The following ASCC3 variants were observed in gnomAD, a reference collection of about 807,000 sequenced individuals.
The protein encoded by ASCC3 is ASC-1 complex subunit P200.
In ASCC3, 158 loss-of-function variants were observed where a neutral mutation model predicts 256.3. The ratio of observed to expected loss-of-function variants is 0.62; its 90% CI spans 0.54 to 0.70. ASCC3 has a LOEUF of 0.70. Ranked by LOEUF, ASCC3 falls within the 30% of genes least tolerant of loss-of-function variation. ASCC3 has a pLI of 0.00. For missense variants in ASCC3, 2,259 were observed against 2,626.0 expected (o/e 0.86, Z 3.05); for synonymous variants, 948 against 883.4 (o/e 1.07, Z -1.30).
At chr6:100,662,668 G>C in intron 14 of ASCC3, 132 bp from the exon 15 acceptor site, 1 of 765,604 alleles carries the variant, frequency 1.3e-6, no homozygotes, top group Non-Finnish European at 2.1e-6. Flanking sequence ...CTAGGTCTTA[G>C]TATATAATGC....
At chr6:100,549,796 T>C (rs1462063596) in intron 36 of ASCC3, among the ~76,000 whole-genome samples, 1 of 151,976 alleles carries the variant, frequency 6.6e-6, no homozygotes, top group African/African-American at 2.4e-5. Flanking sequence ...ATAATTATTT[T>C]AAGTGAGGAA....
intron 12 of ASCC3, among the ~76,000 whole-genome samples, chr6:100,717,304 A>G (rs1779130509): frequency 6.6e-6 from 1 of 152,040 alleles, no homozygotes; most frequent in South Asian, 2.1e-4. Context: ...ACAGTAATAC[A>G]TTAAAGACTA....
intron 25 of ASCC3, among the ~76,000 whole-genome samples, chr6:100,637,734 G>A (rs902878870): frequency 6.6e-6 from 1 of 152,128 alleles, no homozygotes; most frequent in Non-Finnish European, 1.5e-5. Flanking sequence ...AGGGGTTCAA[G>A]ACCTCAATAG....
intron 10 of ASCC3, among the ~76,000 whole-genome samples, chr6:100,764,144 G>C (rs1332434209): frequency 1.3e-5 from 2 of 152,170 alleles, no homozygotes; most frequent in African/African-American, 4.8e-5. Flanking sequence ...AACATAGTTG[G>C]ATATAGGACA....
chr6:100,693,026 A>G (rs1290147550), intron 13 of ASCC3, among the ~76,000 whole-genome samples: 1 of 152,060 alleles, frequency 6.6e-6, no homozygotes, highest in Non-Finnish European at 1.5e-5. Flanking sequence ...CTTTTAAGTA[A>G]GTAATATAAC....
intron 25 of ASCC3, among the ~76,000 whole-genome samples, chr6:100,636,431 A>G (rs1774847108): frequency 6.6e-6 from 1 of 152,112 alleles, no homozygotes; most frequent in African/African-American, 2.4e-5. Flanking sequence ...CCATTCCCCC[A>G]TCTCTTTCCT....
At chr6:100,648,398 A>G (rs1775495730) in intron 20 of ASCC3, among the ~76,000 whole-genome samples, 1 of 152,088 alleles carries the variant, frequency 6.6e-6, no homozygotes, top group East Asian at 1.9e-4. Flanking sequence ...GTCTGGTTAA[A>G]ATCCAAACAA....
Position 100,743,377 on chromosome 6 carries a change from C to T in ASCC3, c.1738-17674G>A, listed in dbSNP as rs181966482. Among the ~76,000 whole-genome samples the T allele has an allele frequency of 3.8e-3, 576 of 152,286 alleles. 5 individuals are homozygous for T. The highest frequency in any genetic ancestry group is 3.3e-3 in the Non-Finnish European group (225 of 68,022). The stretch of plus-strand genomic sequence containing the variant: ...ACAGACTGCAGCTGCTTCTAATTGG[C>T]CATCTTCGATTTCGGCCATAAGCTG... On this transcript the variant is annotated intron_variant, in intron 10 of 41. Transcript: ENST00000369162.
chr6:100,774,661 G>A (rs866232856), intron 8 of ASCC3, among the ~76,000 whole-genome samples: 18 of 151,986 alleles, frequency 1.2e-4, no homozygotes, highest in Non-Finnish European at 7.4e-5. Flanking sequence ...CACTGCACCC[G>A]GCCCTAACTT....
At chr6:100,632,444 A>AT (rs1266864962) in intron 25 of ASCC3, among the ~76,000 whole-genome samples, 1 of 151,914 alleles carries the variant, frequency 6.6e-6, no homozygotes. Flanking sequence ...TTCTAATGGC[A>AT]TTTTTCACAG....
intron 14 of ASCC3, among the ~76,000 whole-genome samples, chr6:100,677,337 T>TAAAAAAAAAAAAA (rs879435725): frequency 0.023 from 3,309 of 147,024 alleles, 98 homozygotes; most frequent in East Asian, 0.12. Flanking sequence ...CTATTTTATT[T>TAAAAAAAAAAAAA]AAAAAAAAAA....
intron 3 of ASCC3, 113 bp downstream of exon 3, chr6:100,863,951 T>C: frequency 2.0e-6 from 2 of 1,007,184 alleles, no homozygotes; most frequent in Non-Finnish European, 2.8e-6. Flanking sequence ...TATGAATACT[T>C]AGATGCCAGG....
intron 37 of ASCC3, among the ~76,000 whole-genome samples, chr6:100,531,754 C>T (rs1774890346): frequency 6.6e-6 from 1 of 151,988 alleles, no homozygotes. Flanking sequence ...CTTACCTTAC[C>T]CATGTTTATA....
intron 13 of ASCC3, among the ~76,000 whole-genome samples, chr6:100,692,303 ACTTTAT>A (rs1162015537): frequency 2.0e-5 from 3 of 152,090 alleles, no homozygotes; most frequent in Non-Finnish European, 4.4e-5. Context: ...AGTTCTATGT[ACTTTAT>A]ACTTCTTCAA....
chr6:100,516,147 G>A (rs1353663276), intron 39 of ASCC3, 33 bp downstream of exon 39: 2 of 1,613,074 alleles, frequency 1.2e-6, no homozygotes, highest in South Asian at 1.1e-5. Context: ...TCAGAGTAGG[G>A]GAGCCTTCAA....
chr6:100,869,054 A>G (rs1773614994), intron 1 of ASCC3, among the ~76,000 whole-genome samples: 1 of 152,208 alleles, frequency 6.6e-6, no homozygotes, highest in African/African-American at 2.4e-5. Flanking sequence ...ATGTCACATA[A>G]GCTATGTAAG....
At chr6:100,823,712 G>A (rs923262977) in intron 4 of ASCC3, among the ~76,000 whole-genome samples, 4 of 152,084 alleles carry the variant, frequency 2.6e-5, no homozygotes, top group African/African-American at 9.7e-5. Flanking sequence ...AAAAGACTCA[G>A]TTGTTGAGAT....
chr6:100,803,192 T>C (rs1303047354), intron 5 of ASCC3, among the ~76,000 whole-genome samples: 2 of 152,118 alleles, frequency 1.3e-5, no homozygotes, highest in African/African-American at 4.8e-5. Flanking sequence ...TTTCTGATTA[T>C]ATACTATTCA....
rs1044580852 is a variant in ASCC3 at position 100,516,276 on chromosome 6, G to A, written c.5979C>T (p.Ile1993=). 2 of 1,613,602 alleles carry A rather than the reference G, an allele frequency of 1.2e-6. No homozygotes were observed. The highest frequency in any genetic ancestry group is 1.3e-5 in the African/African-American group (1 of 74,858). ...KGPHARGRTS[I]ESLPELIHAC... is the part of the protein sequence containing the mutation. The stretch of plus-strand genomic sequence containing the variant: ...CATGGATCAGTTCAGGAAGGGACTC[G>A]ATGGAGGTCCGACCCCTAGCATGTG... Residue 1993 remains isoleucine, a synonymous_variant, in exon 39 of 42, where the codon ATC becomes ATT. Transcript: ENST00000369162.
Sources: allele counts gnomAD v4.1 joint callset (sites outside exome capture counted in the v4.1 genomes callset), GRCh38; gene constraint gnomAD v4.1.1; transcripts MANE v1.5; gene names NCBI Gene and HGNC (gene_info 2026-07-23, HGNC 2026-07-21).